The following ANKMY1 variants were observed in gnomAD, a reference collection of about 807,000 sequenced individuals.
ANKMY1 encodes the protein ankyrin repeat and MYND domain containing 1.
A neutral mutation model predicts 102.0 loss-of-function variants in ANKMY1; 98 were observed. The ratio of observed to expected loss-of-function variants is 0.96; its 90% CI spans 0.82 to 1.14. ANKMY1 has a LOEUF of 1.14. ANKMY1 is among the 50% of genes most tolerant of loss of function. The probability of loss-of-function intolerance (pLI) is 0.00; values close to 1 mark genes in which losing one functional copy is unlikely to be tolerated. For missense variants in ANKMY1, 1,330 were observed against 1,347.6 expected, an observed-to-expected ratio of 0.99 and a Z score of 0.20; for synonymous variants, 582 against 559.9, an observed-to-expected ratio of 1.04 and a Z score of -0.56.
intron 3 of ANKMY1, 152 bp from the exon 4 acceptor site, chr2:240,553,209 G>A (rs1363669944): frequency 2.2e-6 from 2 of 903,968 alleles, no homozygotes; most frequent in Middle Eastern, 6.6e-4. Context: ...GACTATTAGA[G>A]TCGGCAACTG....
Position 240,480,958 on chromosome 2 carries a change from A to G in ANKMY1, c.3025T>C (p.Cys1009Arg). The stretch of plus-strand genomic sequence containing the variant: ...CTACCGATGGCCACCAGGTCCCCGC[A>G]GTCCTTCTTGTGGAACTCGGTCCAG... ...KAWTEFHKKD[C>R]GDLVAIVTQL... Residue 1009 changes from cysteine (C) to arginine (R), a missense_variant, in exon 17 of 18, where the codon TGC becomes CGC. Physicochemically the swap from Cys to Arg is radical, Grantham distance 180 (BLOSUM62 -3). Transcript: ENST00000401804. 6.2e-7 allele frequency: 1 copy of G among 1,611,956 alleles called. No individual in the cohort carries two copies. Among genetic ancestry groups the G allele is most frequent in the East Asian group, 2.2e-5 (1 of 44,760 alleles).
At chr2:240,555,507 G>A (rs2092228410) in intron 2 of ANKMY1, 1 of 179,690 alleles carries the variant, frequency 5.6e-6, no homozygotes, top group East Asian at 1.4e-4. Context: ...TCGGAAGGCA[G>A]CTCGAGAGGC....
intron 15 of ANKMY1, among the ~76,000 whole-genome samples, chr2:240,491,704 GT>G (rs932614446): frequency 4.6e-5 from 7 of 151,582 alleles, no homozygotes; most frequent in Admixed American, 6.6e-5. Flanking sequence ...GGGTGGCAGC[GT>G]TTTTTTTCTT....
At chr2:240,511,696 T>A (rs2080217027) in intron 11 of ANKMY1, among the ~76,000 whole-genome samples, 165 bp downstream of exon 11, 1 of 152,172 alleles carries the variant, frequency 6.6e-6, no homozygotes, top group Non-Finnish European at 1.5e-5. Context: ...GAGTGGGAAA[T>A]CCCGTCCTCC....
intron 4 of ANKMY1, among the ~76,000 whole-genome samples, chr2:240,537,224 T>C (rs2087011681): frequency 6.6e-6 from 1 of 152,094 alleles, no homozygotes. Flanking sequence ...TTTCAAGGCC[T>C]TTTGTTTTTC....
chr2:240,474,262 ATTTTTT>A, the ANKMY1 span, among the ~76,000 whole-genome samples: 4 of 90,984 alleles, frequency 4.4e-5, no homozygotes, highest in Non-Finnish European at 8.1e-5. Flanking sequence ...TGCCTGGCTA[ATTTTTT>A]TTTTTTTTTT....
chr2:240,497,990 C>G (rs1230113509), intron 15 of ANKMY1, among the ~76,000 whole-genome samples: 2 of 152,224 alleles, frequency 1.3e-5, no homozygotes, highest in East Asian at 3.8e-4. Flanking sequence ...GATTAGAACC[C>G]CAGTATCCTC....
intron 9 of ANKMY1, among the ~76,000 whole-genome samples, chr2:240,518,506 A>G (rs1210989079): frequency 1.3e-5 from 2 of 152,184 alleles, no homozygotes; most frequent in South Asian, 2.1e-4. Flanking sequence ...GCAGCACCCA[A>G]TTAAAGCCTT....
chr2:240,474,272 T>TTC, the ANKMY1 span, among the ~76,000 whole-genome samples: 1 of 146,422 alleles, frequency 6.8e-6, no homozygotes, highest in Non-Finnish European at 1.5e-5. Context: ...ATTTTTTTTT[T>TTC]TTTTTTTTTT....
intron 13 of ANKMY1, among the ~76,000 whole-genome samples, chr2:240,500,988 G>A (rs975198105): frequency 5.9e-5 from 9 of 152,220 alleles, no homozygotes; most frequent in African/African-American, 2.2e-4. Context: ...GACAGCGAGT[G>A]CACGCGTATG....
At position 240,500,545 on chromosome 2, in the gene ANKMY1, G is replaced by A. The variant is rs767027853; in HGVS notation, c.2547C>T (p.His849=). 3.2e-5 allele frequency: 52 copies of A among 1,614,070 alleles called. No homozygotes were observed. Among genetic ancestry groups the A allele is most frequent in the South Asian group, 1.1e-4 (10 of 91,072 alleles). ...TTACAGGCTTCAGGATGTCGGCCCC[G>A]TGACTGATGAGTCGGTCAATCTGTG... is the stretch of plus-strand genomic sequence containing the variant. ...KLALIDRLIS[H]GADILKPVML... Residue 849 remains histidine (H), a synonymous_variant, in exon 14 of 18, where the codon CAC becomes CAT. Transcript: ENST00000401804.
chr2:240,480,240 G>T (rs1295697311), intron 17 of ANKMY1, among the ~76,000 whole-genome samples: 3 of 152,178 alleles, frequency 2.0e-5, no homozygotes, highest in Non-Finnish European at 2.9e-5. Context: ...GAGGTCAGCA[G>T]CCATTCACTT....
At chr2:240,543,192 G>T (rs1283277898) in intron 4 of ANKMY1, among the ~76,000 whole-genome samples, 1 of 151,032 alleles carries the variant, frequency 6.6e-6, no homozygotes, top group Non-Finnish European at 1.5e-5. Flanking sequence ...TACTAAAAAT[G>T]CAAAAAAAAA....
chr2:240,531,914 A>G lies in ANKMY1; in HGVS notation c.481-2405T>C, dbSNP rs542811151. Among the ~76,000 whole-genome samples the G allele has an allele frequency of 2.6e-5, 4 of 152,340 alleles. No homozygotes were observed. In the East Asian group the frequency reaches 7.7e-4, roughly 29 times the overall value. ...TTATCTCAATAAAACTGACTAAAAA[A>G]TGGAAAAAATACTAAGAAAATAATT... On this transcript the variant is annotated intron_variant, in intron 4 of 17. Coordinates refer to ENST00000401804, the MANE Select transcript of ANKMY1 (RefSeq NM_001282771.3).
chr2:240,492,375 G>A (rs946762343), intron 15 of ANKMY1, among the ~76,000 whole-genome samples: 11 of 152,134 alleles, frequency 7.2e-5, no homozygotes, highest in African/African-American at 2.2e-4. Context: ...GCTTTATGTT[G>A]TCGTAAATAT....
chr2:240,551,733 A>T (rs1429005671), intron 4 of ANKMY1, among the ~76,000 whole-genome samples: 2 of 152,228 alleles, frequency 1.3e-5, no homozygotes, highest in Non-Finnish European at 2.9e-5. Flanking sequence ...AGCATGGAGC[A>T]GCCAGAAAGA....
chr2:240,472,198 T>A, the ANKMY1 span, among the ~76,000 whole-genome samples: 1 of 131,766 alleles, frequency 7.6e-6, no homozygotes, highest in African/African-American at 3.2e-5. Context: ...CAAGCCCAGC[T>A]GTACGCTGGG....
Position 240,520,559 on chromosome 2 carries a change from CCCCTGGAGGGCAGGCA to C in ANKMY1, c.1833-42_1833-27del, listed in dbSNP as rs2082019022. ...CTGAAAAAGACGGTGCGCCCGTGGG[CCCCTGGAGGGCAGGCA>C]CCTGCACTGCGCCCAGAACGGGGCC... On this transcript the variant is annotated intron_variant, in intron 8 of 17. Coordinates refer to ENST00000401804, the MANE Select transcript of ANKMY1 (RefSeq NM_001282771.3). The surrounding 1 kb of genome is among the most constrained non-coding windows in gnomAD (Gnocchi z 4.8). 1.3e-6 allele frequency: 2 copies of C among 1,597,704 alleles called. No homozygotes were observed.
At chr2:240,532,245 C>A in intron 4 of ANKMY1, 1 of 348,624 alleles carries the variant, frequency 2.9e-6, no homozygotes, top group Non-Finnish European at 6.0e-6. Flanking sequence ...AAGATGGAAG[C>A]CAGGAAACAA....
Sources: gnomAD v4.1 joint callset for allele counts (sites outside exome capture counted in the v4.1 genomes callset) on GRCh38, gnomAD v4.1.1 for gene constraint, Gnocchi (gnomAD v3.1) non-coding constraint, MANE v1.5 for transcripts, NCBI Gene and HGNC (gene_info 2026-07-23, HGNC 2026-07-21) for gene names.